Variants in RAB38 observed in about 807,000 individuals in gnomAD.
RAB38 encodes the protein RAB38, member RAS oncogene family.
RAB38 carries 15 observed loss-of-function variants against 18.4 expected under a neutral mutation model. The observed-to-expected ratio is 0.82, with a 90% CI of 0.55 to 1.26. The LOEUF is 1.26. Ranked by LOEUF, RAB38 falls within the 50% of genes most tolerant of loss-of-function variation. RAB38 has a pLI of 0.00. For synonymous variants in RAB38, 101 were observed against 104.4 expected, an observed-to-expected ratio of 0.97 and a Z score of 0.20; for missense variants, 294 against 267.4, an observed-to-expected ratio of 1.10 and a Z score of -0.69.
the RAB38 span, among the ~76,000 whole-genome samples, chr11:87,831,008 T>C: frequency 6.6e-6 from 1 of 152,118 alleles, no homozygotes; most frequent in Non-Finnish European, 1.5e-5. Flanking sequence ...GCCTTTGCCA[T>C]GTTACCCAGG....
intron 1 of RAB38, chr11:88,167,751 T>A (rs901044531): frequency 6.6e-6 from 1 of 152,010 alleles, no homozygotes. Flanking sequence ...TGAGTAAAAC[T>A]CAATTATTAA....
chr11:87,862,122 A>G, the RAB38 span, among the ~76,000 whole-genome samples: 1 of 152,030 alleles, frequency 6.6e-6, no homozygotes. Flanking sequence ...TCAAAGACCT[A>G]AAGACAAATA....
the RAB38 span, among the ~76,000 whole-genome samples, chr11:87,859,318 G>A: frequency 6.6e-6 from 1 of 151,924 alleles, no homozygotes; most frequent in Non-Finnish European, 1.5e-5. Flanking sequence ...GGTATGACTA[G>A]TTATAAATAA....
the RAB38 span, among the ~76,000 whole-genome samples, chr11:88,042,267 C>G: frequency 6.6e-6 from 1 of 152,172 alleles, no homozygotes; most frequent in South Asian, 2.1e-4. Context: ...TAGCCCCCAC[C>G]TCTCATTTGC....
the RAB38 span, among the ~76,000 whole-genome samples, chr11:88,015,975 T>C: frequency 6.6e-6 from 1 of 152,000 alleles, no homozygotes; most frequent in East Asian, 1.9e-4. Flanking sequence ...ATCCACCACC[T>C]CCCAATGGGG....
At chr11:88,117,274 T>C (rs143881216) in intron 2 of RAB38, among the ~76,000 whole-genome samples, 50 of 152,338 alleles carry the variant, frequency 3.3e-4, no homozygotes, top group Non-Finnish European at 6.3e-4. Context: ...CATTCCTGAC[T>C]GAGCTTACCT....
the RAB38 span, among the ~76,000 whole-genome samples, chr11:87,938,535 C>G: frequency 2.0e-5 from 3 of 150,984 alleles, no homozygotes; most frequent in African/African-American, 4.9e-5. Context: ...GGACACGGTT[C>G]TTTTCAGTGC....
the RAB38 span, among the ~76,000 whole-genome samples, chr11:87,977,937 A>C: frequency 8.8e-6 from 1 of 113,616 alleles, no homozygotes; most frequent in Non-Finnish European, 1.7e-5. Flanking sequence ...ACACCTTTAT[A>C]TAATATATTA....
the RAB38 span, among the ~76,000 whole-genome samples, chr11:88,035,033 A>G: frequency 3.8e-3 from 579 of 152,346 alleles, 2 homozygotes; most frequent in African/African-American, 0.013. Flanking sequence ...CTGGATGTGT[A>G]GTGGACCTCA....
At chr11:88,011,197 G>A in the RAB38 span, among the ~76,000 whole-genome samples, 1 of 152,104 alleles carries the variant, frequency 6.6e-6, no homozygotes, top group Non-Finnish European at 1.5e-5. Flanking sequence ...GTAAGACACT[G>A]TATTAAAAGC....
At chr11:88,051,986 G>A in the RAB38 span, among the ~76,000 whole-genome samples, 1 of 152,096 alleles carries the variant, frequency 6.6e-6, no homozygotes, top group African/African-American at 2.4e-5. Context: ...AGCTGGGCAT[G>A]GTGACTCATG....
At chr11:87,967,913 G>T in the RAB38 span, among the ~76,000 whole-genome samples, 1 of 152,070 alleles carries the variant, frequency 6.6e-6, no homozygotes, top group East Asian at 1.9e-4. Flanking sequence ...GGAGGTGTTG[G>T]GTGTGTATGG....
the RAB38 span, among the ~76,000 whole-genome samples, chr11:87,921,985 G>A: frequency 0.088 from 13,404 of 151,992 alleles, 1,521 homozygotes; most frequent in African/African-American, 0.27. Flanking sequence ...TAGGCAGGTA[G>A]ACAGATAAGT....
the RAB38 span, among the ~76,000 whole-genome samples, chr11:87,891,708 ATATGT>A: frequency 6.6e-6 from 1 of 151,992 alleles, no homozygotes; most frequent in East Asian, 2.0e-4. Flanking sequence ...TGTATTTTGA[ATATGT>A]TATGTGTATC....
the RAB38 span, among the ~76,000 whole-genome samples, chr11:87,844,199 A>G: frequency 6.6e-6 from 1 of 152,012 alleles, no homozygotes; most frequent in Non-Finnish European, 1.5e-5. Context: ...AATCCTATGA[A>G]ATAAATAGAG....
the RAB38 span, among the ~76,000 whole-genome samples, chr11:87,872,942 G>A: frequency 2.0e-5 from 3 of 151,594 alleles, no homozygotes; most frequent in Non-Finnish European, 4.4e-5. Flanking sequence ...GTGTATGGAT[G>A]TAAGTTTTCA....
chr11:88,013,361 T>G, the RAB38 span, among the ~76,000 whole-genome samples: 1 of 152,284 alleles, frequency 6.6e-6, no homozygotes, highest in East Asian at 1.9e-4. Context: ...TAAGTATATG[T>G]TCAACAGAAT....
intron 1 of RAB38, among the ~76,000 whole-genome samples, chr11:88,164,240 T>C (rs1410336654): frequency 8.6e-6 from 1 of 116,526 alleles, no homozygotes; most frequent in Admixed American, 9.4e-5. Flanking sequence ...TCCCAAAATA[T>C]ATGCCAAGGT....
the RAB38 span, among the ~76,000 whole-genome samples, chr11:87,947,829 G>A: frequency 1.3e-5 from 2 of 152,178 alleles, no homozygotes; most frequent in Admixed American, 6.5e-5. Flanking sequence ...GTAGCGTGAT[G>A]CCTCCCAGCT....
Sources: gnomAD v4.1 joint callset for allele counts (sites outside exome capture counted in the v4.1 genomes callset) on GRCh38, gnomAD v4.1.1 for gene constraint, MANE v1.5 for transcripts, NCBI Gene and HGNC (gene_info 2026-07-23, HGNC 2026-07-21) for gene names.